TIAM1: variants seen among roughly 807,000 people sequenced by gnomAD.
The protein encoded by TIAM1 is rho guanine nucleotide exchange factor TIAM1.
Under a neutral mutation model 163.5 loss-of-function variants are expected in TIAM1, and 65 were observed. That is an observed-to-expected ratio of 0.40 (90% CI 0.33 to 0.49). The LOEUF (loss-of-function observed/expected upper bound fraction) is 0.49. Ranked by LOEUF, TIAM1 falls within the 20% of genes least tolerant of loss-of-function variation. TIAM1 has a pLI of 0.77. For missense variants in TIAM1, 1,789 were observed against 2,044.7 expected (o/e 0.87, Z 2.41); for synonymous variants, 833 against 810.1 (o/e 1.03, Z -0.48).
chr21:31,372,694 G>A (rs1002600860), intron 2 of TIAM1, among the ~76,000 whole-genome samples: 4 of 152,110 alleles, frequency 2.6e-5, no homozygotes, highest in Non-Finnish European at 4.4e-5. Flanking sequence ...AAACTGGCTG[G>A]GTAGGTGGCT....
intron 1 of TIAM1, among the ~76,000 whole-genome samples, chr21:31,492,076 ATGTATGTATATGTATATGCATACGTATG>A (rs2147423283): frequency 6.6e-6 from 1 of 152,290 alleles, no homozygotes; most frequent in South Asian, 2.1e-4. Context: ...GTGTGTATAT[ATGTATGTATATGTATATGCATACGTATG>A]TGTATATGAA....
intron 3 of TIAM1, among the ~76,000 whole-genome samples, chr21:31,275,236 G>A (rs2073246165): frequency 6.6e-6 from 1 of 151,996 alleles, no homozygotes. Context: ...TTGCTTGTAG[G>A]GCGTTTTAAT....
intron 1 of TIAM1, among the ~76,000 whole-genome samples, chr21:31,482,902 G>GTATATATAA (rs2046160779): frequency 6.6e-6 from 1 of 152,196 alleles, no homozygotes; most frequent in Non-Finnish European, 1.5e-5. Context: ...TAGCTACTGT[G>GTATATATAA]CCAGGCCCTG....
chr21:31,126,300 T>TG (rs55831333), intron 26 of TIAM1, among the ~76,000 whole-genome samples: 152,292 of 152,292 alleles, frequency 1, 76,146 homozygotes, highest in Non-Finnish European at 1. Context: ...CCAGACGTGG[T>TG]GCTCACGCCT....
rs2071811088 is a variant in TIAM1 at position 31,251,675 on chromosome 21, A to G, written c.1411+67T>C. 3.4e-6 allele frequency: 5 copies of G among 1,455,590 alleles called. No homozygotes were observed. In the South Asian group the frequency reaches 5.4e-5, roughly 16 times the overall value. The allele number at this position is 1,455,590 out of a possible 1,614,324, so 90.2% of individuals were successfully genotyped here. Reference sequence around the variant, plus strand: ...CAACAACAAACCCACCCATCCCGTGAGTATGTGCACAACGGGGCACCTCTA... The same window carrying G: ...CAACAACAAACCCACCCATCCCGTGGGTATGTGCACAACGGGGCACCTCTA... On this transcript the variant is annotated intron_variant, in intron 5 of 27. Transcript: ENST00000541036.
chr21:31,432,569 A>G (rs1271034193), intron 2 of TIAM1, among the ~76,000 whole-genome samples: 1 of 152,210 alleles, frequency 6.6e-6, no homozygotes, highest in Admixed American at 6.5e-5. Flanking sequence ...TTTGTGAAAA[A>G]GCCATAGGAA....
chr21:31,132,293 A>G (rs2082441146), intron 23 of TIAM1, among the ~76,000 whole-genome samples: 1 of 152,120 alleles, frequency 6.6e-6, no homozygotes, highest in African/African-American at 2.4e-5. Context: ...ATAAGCGCTG[A>G]GATGCAAAGA....
At chr21:31,132,055 C>A (rs1803429575) in intron 23 of TIAM1, among the ~76,000 whole-genome samples, 1 of 152,146 alleles carries the variant, frequency 6.6e-6, no homozygotes, top group Admixed American at 6.5e-5. Flanking sequence ...CATACTGACC[C>A]CAAGGAATAG....
At chr21:31,242,242 A>G (rs964904874) in intron 6 of TIAM1, among the ~76,000 whole-genome samples, 2 of 152,214 alleles carry the variant, frequency 1.3e-5, no homozygotes, top group Non-Finnish European at 2.9e-5. Context: ...GAACCAGGCC[A>G]GGCACAGTGG....
chr21:31,146,403 C>CAAAA (rs10542614), intron 20 of TIAM1, among the ~76,000 whole-genome samples: 4 of 89,910 alleles, frequency 4.4e-5, no homozygotes, highest in African/African-American at 1.2e-4. Flanking sequence ...GGCTCTGTGT[C>CAAAA]AAAAAAAAAA....
At chr21:31,126,653 T>C (rs2082210965) in intron 26 of TIAM1, among the ~76,000 whole-genome samples, 1 of 152,052 alleles carries the variant, frequency 6.6e-6, no homozygotes, top group Admixed American at 6.6e-5. Flanking sequence ...ACGCCATCTG[T>C]TGGAGTCATC....
upstream of TIAM1, among the ~76,000 whole-genome samples, chr21:31,345,557 T>TA (rs537899772): frequency 5.3e-5 from 8 of 152,138 alleles, no homozygotes; most frequent in South Asian, 1.7e-3. Flanking sequence ...ACATTCTTGG[T>TA]AAAGAATATA....
intron 2 of TIAM1, among the ~76,000 whole-genome samples, chr21:31,306,734 T>A (rs2074726056): frequency 7.9e-5 from 12 of 152,170 alleles, no homozygotes; most frequent in Admixed American, 7.9e-4. Flanking sequence ...AGTATCAACG[T>A]TGTAAGTCCA....
chr21:31,146,115 C>A (rs753774160), intron 20 of TIAM1, among the ~76,000 whole-genome samples: 2 of 152,134 alleles, frequency 1.3e-5, no homozygotes, highest in Non-Finnish European at 2.9e-5. Context: ...CCCCAAATAG[C>A]AAGGTAAAAC....
intron 8 of TIAM1, among the ~76,000 whole-genome samples, chr21:31,221,996 T>C (rs774334904): frequency 6.6e-6 from 1 of 152,130 alleles, no homozygotes; most frequent in Non-Finnish European, 1.5e-5. Context: ...TATGGAGAGG[T>C]GGTAGCCAGG....
At chr21:31,331,068 G>A (rs1295249855) in intron 2 of TIAM1, among the ~76,000 whole-genome samples, 5 of 151,982 alleles carry the variant, frequency 3.3e-5, no homozygotes, top group Admixed American at 1.3e-4. Context: ...ACCAGCCCAC[G>A]TGTTCTCTGA....
At chr21:31,244,585 C>A (rs1014615158) in intron 6 of TIAM1, among the ~76,000 whole-genome samples, 1 of 152,110 alleles carries the variant, frequency 6.6e-6, no homozygotes, top group Non-Finnish European at 1.5e-5. Context: ...ATTAGCCAGG[C>A]GTGGCAGCAG....
Position 31,530,027 on chromosome 21 carries a change from A to G in TIAM1, c.-422+28900T>C, listed in dbSNP as rs2047923008. Among the ~76,000 whole-genome samples the G allele has an allele frequency of 5.3e-5, 8 of 152,298 alleles. No homozygotes were observed. The South Asian group carries it at 1.7e-3, about 32-fold the overall frequency. ...TTCTACTAACACGTTGGAAGGCAAGAAGACAACCTGGCATTCACACAACCA... is the reference window on the plus strand; with the variant it reads ...TTCTACTAACACGTTGGAAGGCAAGGAGACAACCTGGCATTCACACAACCA... On this transcript the variant is annotated intron_variant, in intron 1 of 28. Transcript: ENST00000286827.
intron 2 of TIAM1, among the ~76,000 whole-genome samples, chr21:31,362,525 G>C (rs1053278361): frequency 2.6e-5 from 4 of 151,590 alleles, no homozygotes; most frequent in Non-Finnish European, 5.9e-5. Flanking sequence ...GGAGGGCAGT[G>C]GTGCAATCTT....
Sources: allele counts gnomAD v4.1 joint callset (sites outside exome capture counted in the v4.1 genomes callset), GRCh38; gene constraint gnomAD v4.1.1; transcripts MANE v1.5; gene names NCBI Gene and HGNC (gene_info 2026-07-23, HGNC 2026-07-21).